ODAD2: variants seen among roughly 807,000 people sequenced by gnomAD.
ODAD2 encodes the protein outer dynein arm-docking complex subunit 2.
In ODAD2, 89 loss-of-function variants were observed where a neutral mutation model predicts 106.8. That is an observed-to-expected ratio of 0.83 (90% CI 0.70 to 0.99). The LOEUF is 0.99. Among genes scored for constraint, ODAD2 ranks in the 50% least tolerant of loss-of-function variants. ODAD2 has a pLI of 0.00. For missense variants in ODAD2, 1,168 were observed against 1,238.5 expected (o/e 0.94, Z 0.85); for synonymous variants, 404 against 436.2 (o/e 0.93, Z 0.92).
intron 19 of ODAD2, among the ~76,000 whole-genome samples, chr10:27,860,357 G>A (rs1839952023): frequency 6.6e-6 from 1 of 152,106 alleles, no homozygotes; most frequent in Non-Finnish European, 1.5e-5. Flanking sequence ...GGAGGGTGAG[G>A]CAGGAGGATC....
At chr10:27,920,618 C>T (rs1037698473) in intron 16 of ODAD2, among the ~76,000 whole-genome samples, 24 of 152,026 alleles carry the variant, frequency 1.6e-4, no homozygotes, top group Non-Finnish European at 1.9e-4. Flanking sequence ...TAAAAGTATG[C>T]AGATGAAAAA....
chr10:27,887,591 C>T (rs950964878), intron 17 of ODAD2, among the ~76,000 whole-genome samples: 1 of 151,816 alleles, frequency 6.6e-6, no homozygotes, highest in Non-Finnish European at 1.5e-5. Flanking sequence ...CAAAACAAGT[C>T]TTTAAAAATA....
chr10:27,975,155 C>T (rs1178713361), intron 7 of ODAD2, among the ~76,000 whole-genome samples: 2 of 152,078 alleles, frequency 1.3e-5, no homozygotes, highest in African/African-American at 4.8e-5. Context: ...GGCTGAGGAT[C>T]CCTTGTTTTA....
intron 19 of ODAD2, among the ~76,000 whole-genome samples, chr10:27,854,264 T>C (rs988352173): frequency 6.6e-6 from 1 of 152,110 alleles, no homozygotes; most frequent in Non-Finnish European, 1.5e-5. Context: ...CTGGTGGGAA[T>C]GCAAAAATGG....
intron 19 of ODAD2, among the ~76,000 whole-genome samples, chr10:27,816,503 G>C (rs1407001770): frequency 1.3e-5 from 2 of 152,126 alleles, no homozygotes; most frequent in Admixed American, 6.5e-5. Flanking sequence ...GGTCTGTGCT[G>C]GGCTGGAAGG....
chr10:27,927,969 A>C (rs1488843311), intron 16 of ODAD2, among the ~76,000 whole-genome samples: 2 of 152,082 alleles, frequency 1.3e-5, no homozygotes, highest in Non-Finnish European at 2.9e-5. Context: ...AATCTAACTA[A>C]GCTTTAGACA....
chr10:27,833,437 G>A (rs896810884), intron 19 of ODAD2, among the ~76,000 whole-genome samples: 7 of 152,046 alleles, frequency 4.6e-5, no homozygotes, highest in African/African-American at 1.7e-4. Flanking sequence ...TACAGCATTG[G>A]AAATAAAATG....
intron 2 of ODAD2, among the ~76,000 whole-genome samples, chr10:27,993,968 A>ATGTGTGTG (rs1365629219): frequency 1.0e-4 from 11 of 109,832 alleles, no homozygotes; most frequent in African/African-American, 3.0e-4. Context: ...AAATATATAT[A>ATGTGTGTG]TATATATGTG....
At position 27,936,886 on chromosome 10, in the gene ODAD2, C is replaced by G; in HGVS notation, c.2098-6G>C. On this transcript the variant is annotated splice_polypyrimidine_tract_variant and splice_region_variant and intron_variant, in intron 14 of 19. Coordinates refer to ENST00000305242, the MANE Select transcript of ODAD2 (RefSeq NM_018076.5). ...GTTTCCTTATCTTCAGCACACTGCA[C>G]GAAAAGTCAGACAGAGGCTGTCAGT... 6.3e-7 allele frequency: 1 copy of G among 1,591,284 alleles called. No homozygotes were observed. Among genetic ancestry groups the G allele is most frequent in the South Asian group, 1.2e-5 (1 of 86,596 alleles).
chr10:27,937,601 G>A (rs996306160), intron 14 of ODAD2, among the ~76,000 whole-genome samples: 9 of 151,948 alleles, frequency 5.9e-5, no homozygotes, highest in African/African-American at 1.2e-4. Context: ...CATTCTTCCC[G>A]GGCTCTAGAG....
intron 17 of ODAD2, among the ~76,000 whole-genome samples, chr10:27,870,581 A>C (rs1197498678): frequency 1.3e-5 from 2 of 151,354 alleles, no homozygotes; most frequent in South Asian, 2.1e-4. Flanking sequence ...TTCACTTCCC[A>C]CCTATGAGTG....
intron 19 of ODAD2, among the ~76,000 whole-genome samples, chr10:27,833,923 T>C (rs945894433): frequency 6.6e-6 from 1 of 152,164 alleles, no homozygotes; most frequent in African/African-American, 2.4e-5. Flanking sequence ...CTGTGTAACA[T>C]GGGGATTGGG....
rs1564527579 is a variant in ODAD2, at chr10:27,940,657, G to C, written c.1892C>G (p.Ala631Gly). ...SHTNKEAIRKAGGIPLLARLL... is the reference protein window; with the variant it reads ...SHTNKEAIRKGGGIPLLARLL... The stretch of plus-strand genomic sequence containing the variant: ...CCGAGCCAACAGAGGAATGCCCCCA[G>C]CTTTGCGGATGGCTTCTTTATTCGT... Residue 631 changes from alanine to glycine, a missense_variant, in exon 13 of 20, where the codon GCT (alanine) becomes GGT (glycine). Ala to Gly is a moderately conservative substitution (Grantham distance 60, BLOSUM62 0). Transcript: ENST00000305242. The C allele has an allele frequency of 2.5e-6, 4 of 1,614,094 alleles. 1 individual carries two copies. The South Asian group carries it at 4.4e-5, about 18-fold the overall frequency.
At chr10:27,829,862 C>T (rs576553324) in intron 19 of ODAD2, among the ~76,000 whole-genome samples, 1 of 152,094 alleles carries the variant, frequency 6.6e-6, no homozygotes, top group South Asian at 2.1e-4. Context: ...GCCCATCTTA[C>T]ATGATTTTTG....
At chr10:27,884,016 G>T (rs1442725635) in intron 17 of ODAD2, among the ~76,000 whole-genome samples, 1 of 151,864 alleles carries the variant, frequency 6.6e-6, no homozygotes, top group Non-Finnish European at 1.5e-5. Context: ...AAGGATATTT[G>T]AAAAAATAAT....
In ODAD2 at chr10:27,987,454, C is replaced by T. The variant is rs756637693; in HGVS notation, c.314G>A (p.Gly105Glu). 1.2e-6 allele frequency: 2 copies of T among 1,613,684 alleles called. No homozygotes were observed. Among genetic ancestry groups the T allele is most frequent in the Non-Finnish European group, 8.5e-7 (1 of 1,179,912 alleles). Residue 105 changes from glycine (G) to glutamate (E), a missense_variant, in exon 3 of 20, where the codon GGG (glycine) becomes GAG (glutamate). Gly to Glu is a moderately conservative substitution (Grantham distance 98). This residue lies in a region of ODAD2 where 430 missense variants were observed against 452.2 expected (regional missense o/e 0.95). Coordinates refer to ENST00000305242, the MANE Select transcript of ODAD2 (RefSeq NM_018076.5). ...AATAAGTAACAAGCGTGACAGCTGCCCAAAGCTCCTAATTTTAATTTGTGG... is the reference window on the plus strand; with the variant it reads ...AATAAGTAACAAGCGTGACAGCTGCTCAAAGCTCCTAATTTTAATTTGTGG... ...SVPQIKIRSF[G>E]QLSRLLLIAK...
intron 19 of ODAD2, among the ~76,000 whole-genome samples, chr10:27,845,624 G>A (rs1160248829): frequency 6.6e-6 from 1 of 152,166 alleles, no homozygotes; most frequent in Non-Finnish European, 1.5e-5. Flanking sequence ...GACACAGACT[G>A]ACAAATTGGA....
At chr10:27,998,768 CG>C (rs1362201508) in intron 1 of ODAD2, among the ~76,000 whole-genome samples, 1 of 152,078 alleles carries the variant, frequency 6.6e-6, no homozygotes, top group Non-Finnish European at 1.5e-5. Flanking sequence ...AGAACCCCTG[CG>C]GGGGTGAGCG....
chr10:27,812,749 G>C lies in ODAD2; in HGVS notation c.3022-124C>G, dbSNP rs180998698. On this transcript the variant is annotated intron_variant, in intron 19 of 19. Coordinates refer to ENST00000305242, the MANE Select transcript of ODAD2 (RefSeq NM_018076.5). ...TTTTAAAACCACCAAAAAAGCATAA[G>C]AAATTCCATTTAAGCAAATACGAAT... is the stretch of plus-strand genomic sequence containing the variant. The C allele has an allele frequency of 7.4e-6, 10 of 1,344,744 alleles. No homozygotes were observed. The East Asian group carries it at 2.2e-4, about 30-fold the overall frequency. 83.3% of individuals were successfully genotyped at this position (1,344,744 alleles called of 1,614,324 possible). A position where few individuals can be genotyped will look rare whatever the true frequency, so the allele number is the denominator to read the frequency against.
Sources: gnomAD v4.1 joint callset for allele counts (sites outside exome capture counted in the v4.1 genomes callset) on GRCh38, gnomAD v4.1.1 for gene constraint, gnomAD v4.1.1 regional missense constraint, MANE v1.5 for transcripts, NCBI Gene and HGNC (gene_info 2026-07-23, HGNC 2026-07-21) for gene names.